CNTN5: variants seen among roughly 807,000 people sequenced by gnomAD.
CNTN5 encodes contactin-5.
Under a neutral mutation model 129.1 loss-of-function variants are expected in CNTN5, and 77 were observed. That is an observed-to-expected ratio of 0.60 (90% CI 0.50 to 0.72). The LOEUF is 0.72. Ranked by LOEUF, CNTN5 falls within the 30% of genes least tolerant of loss-of-function variation. CNTN5 has a pLI of 0.00. For synonymous variants in CNTN5, 509 were observed against 465.6 expected (o/e 1.09, Z -1.20); for missense variants, 1,478 against 1,328.8 (o/e 1.11, Z -1.75).
intron 1 of CNTN5, among the ~76,000 whole-genome samples, chr11:99,295,168 A>T (rs1324409731): frequency 1.3e-5 from 2 of 152,184 alleles, no homozygotes; most frequent in Non-Finnish European, 2.9e-5. Flanking sequence ...TATGCTCCTT[A>T]TCCAGGATTC....
intron 13 of CNTN5, among the ~76,000 whole-genome samples, chr11:100,185,488 C>T (rs761421721): frequency 5.9e-5 from 9 of 152,154 alleles, no homozygotes; most frequent in South Asian, 4.2e-4. Context: ...AGCGAGGTCT[C>T]GGTATTTATT....
chr11:99,388,409 G>A (rs1451295508), intron 2 of CNTN5, among the ~76,000 whole-genome samples: 1 of 50,008 alleles, frequency 2.0e-5, no homozygotes, highest in South Asian at 9.9e-4. Context: ...AGCAAAACCC[G>A]GTCTCAAAAA....
chr11:99,062,346 T>C (rs1320360701), intron 1 of CNTN5, among the ~76,000 whole-genome samples: 1 of 152,156 alleles, frequency 6.6e-6, no homozygotes, highest in Non-Finnish European at 1.5e-5. Flanking sequence ...CTTTTAGATA[T>C]AGCGGCCTAC....
At chr11:99,922,648 A>T (rs942441963) in intron 7 of CNTN5, among the ~76,000 whole-genome samples, 1 of 152,128 alleles carries the variant, frequency 6.6e-6, no homozygotes, top group African/African-American at 2.4e-5. Context: ...TCAAATCATA[A>T]TTAGTTTGTT....
intron 3 of CNTN5, among the ~76,000 whole-genome samples, chr11:99,629,030 A>G (rs1229649117): frequency 1.3e-5 from 2 of 152,082 alleles, no homozygotes. Context: ...GTCAACTTTT[A>G]AAATTATTAA....
In CNTN5 at chr11:100,299,359, T is replaced by C; in HGVS notation, c.2583T>C (p.Pro861=). 6.2e-7 allele frequency: 1 copy of C among 1,609,164 alleles called. No individual in the cohort carries two copies. Among genetic ancestry groups the C allele is most frequent in the Non-Finnish European group, 8.5e-7 (1 of 1,176,808 alleles). The change falls in exon 20 of 25, where the codon CCT becomes CCC. Residue 861 remains proline (P), a synonymous_variant. Coordinates refer to ENST00000524871, the MANE Select transcript of CNTN5 (RefSeq NM_014361.4). ...VGVYNNKGDG[P]FSQIVVICSA... ...TTTATAACAATAAAGGAGATGGGCCTTTTAGTCAAATTGTGGTCATCTGTT... is the reference window on the plus strand; with the variant it reads ...TTTATAACAATAAAGGAGATGGGCCCTTTAGTCAAATTGTGGTCATCTGTT...
intron 9 of CNTN5, among the ~76,000 whole-genome samples, chr11:100,052,583 C>A (rs11222549): frequency 6.6e-6 from 1 of 151,736 alleles, no homozygotes; most frequent in Non-Finnish European, 1.5e-5. Flanking sequence ...AGGAGATATA[C>A]CGTGTTCATG....
At chr11:99,769,152 G>A (rs1944858901) in intron 3 of CNTN5, among the ~76,000 whole-genome samples, 1 of 151,804 alleles carries the variant, frequency 6.6e-6, no homozygotes, top group Admixed American at 6.6e-5. Flanking sequence ...ATATAAACTG[G>A]CTGTTGAAAA....
chr11:99,309,943 G>A (rs994950414), intron 1 of CNTN5, among the ~76,000 whole-genome samples: 4 of 152,076 alleles, frequency 2.6e-5, no homozygotes, highest in Non-Finnish European at 5.9e-5. Context: ...GGAGTCCATA[G>A]TGCAGAACAC....
intron 7 of CNTN5, among the ~76,000 whole-genome samples, chr11:99,954,442 TGTTTACCAC>T (rs1950749648): frequency 6.6e-6 from 1 of 152,182 alleles, no homozygotes; most frequent in Non-Finnish European, 1.5e-5. Context: ...TACTACTAAA[TGTTTACCAC>T]CGAATAAGAT....
chr11:100,234,792 TAAAAAAAAAAAAAA>T (rs781363668), intron 16 of CNTN5, among the ~76,000 whole-genome samples: 6 of 102,066 alleles, frequency 5.9e-5, no homozygotes, highest in Non-Finnish European at 1.9e-5. Context: ...TCCCAGAATT[TAAAAAAAAAAAAAA>T]AAAAAAAAAA....
intron 3 of CNTN5, among the ~76,000 whole-genome samples, chr11:99,639,164 C>T (rs975798794): frequency 1.1e-4 from 17 of 152,224 alleles, no homozygotes; most frequent in Non-Finnish European, 2.2e-4. Flanking sequence ...CTTGGGGCTT[C>T]CACCCTCTGA....
chr11:100,272,030 A>T (rs190920397), intron 18 of CNTN5, among the ~76,000 whole-genome samples: 105 of 152,304 alleles, frequency 6.9e-4, no homozygotes, highest in African/African-American at 1.8e-3. Context: ...ACTTAGGGGA[A>T]CACAAACATG....
At chr11:99,951,095 G>A (rs1337182671) in intron 7 of CNTN5, among the ~76,000 whole-genome samples, 1 of 151,830 alleles carries the variant, frequency 6.6e-6, no homozygotes, top group Admixed American at 6.6e-5. Context: ...ATTAATGCTT[G>A]AGCAAAATTA....
intron 13 of CNTN5, among the ~76,000 whole-genome samples, chr11:100,126,386 T>G (rs1946183965): frequency 6.6e-6 from 1 of 152,144 alleles, no homozygotes; most frequent in East Asian, 1.9e-4. Flanking sequence ...ATACCGTCAG[T>G]TGGTCCCCCT....
intron 1 of CNTN5, among the ~76,000 whole-genome samples, chr11:99,139,857 G>T (rs900637191): frequency 6.6e-6 from 1 of 151,990 alleles, no homozygotes; most frequent in African/African-American, 2.4e-5. Context: ...TGTTAAATAT[G>T]CATCCTTCTA....
intron 2 of CNTN5, among the ~76,000 whole-genome samples, chr11:99,498,961 C>T (rs137922813): frequency 4.3e-4 from 66 of 152,172 alleles, no homozygotes; most frequent in Admixed American, 2.0e-3. Flanking sequence ...AAAATTCCAG[C>T]GATGTCATGA....
At chr11:99,967,543 A>G (rs911607791) in intron 8 of CNTN5, among the ~76,000 whole-genome samples, 5 of 152,170 alleles carry the variant, frequency 3.3e-5, no homozygotes, top group African/African-American at 1.2e-4. Context: ...GATGAGGCCA[A>G]GCTCACTATT....
At chr11:99,726,284 G>A (rs1341332720) in intron 3 of CNTN5, among the ~76,000 whole-genome samples, 33 of 152,186 alleles carry the variant, frequency 2.2e-4, no homozygotes, top group Non-Finnish European at 2.5e-4. Flanking sequence ...TGTGCTTTTT[G>A]TATGTGTGCC....
Sources: gnomAD v4.1 joint callset for allele counts (sites outside exome capture counted in the v4.1 genomes callset) on GRCh38, gnomAD v4.1.1 for gene constraint, MANE v1.5 for transcripts, NCBI Gene and HGNC (gene_info 2026-07-23, HGNC 2026-07-21) for gene names.